MAF: variants seen among roughly 807,000 people sequenced by gnomAD.
MAF encodes the protein MAF bZIP transcription factor.
A neutral mutation model predicts 22.0 loss-of-function variants in MAF; 10 were observed. That is an observed-to-expected ratio of 0.45 (90% confidence interval 0.28 to 0.77). The LOEUF (loss-of-function observed/expected upper bound fraction) is 0.77. MAF is among the 30% of genes least tolerant of loss of function. MAF has a pLI of 0.12. For synonymous variants in MAF, 337 were observed against 255.8 expected (o/e 1.32, Z -3.03); for missense variants, 544 against 548.4 (o/e 0.99, Z 0.08).
downstream of MAF, among the ~76,000 whole-genome samples, chr16:79,584,344 T>C (rs934619765): frequency 4.6e-5 from 7 of 152,214 alleles, no homozygotes; most frequent in African/African-American, 1.7e-4. Flanking sequence ...ATTGAACTTT[T>C]CATATATCAG....
At chr16:79,394,339 A>G in the MAF span, among the ~76,000 whole-genome samples, 1 of 152,182 alleles carries the variant, frequency 6.6e-6, no homozygotes, top group Admixed American at 6.5e-5. Context: ...TCTTCCTTTC[A>G]GACCCTGTTT....
the MAF span, among the ~76,000 whole-genome samples, chr16:79,530,435 C>T: frequency 5.6e-4 from 86 of 152,252 alleles, no homozygotes; most frequent in African/African-American, 1.9e-3. Context: ...AGCAGTTTTA[C>T]TCCATTTTTT....
At chr16:79,334,800 T>C in the MAF span, among the ~76,000 whole-genome samples, 1 of 151,638 alleles carries the variant, frequency 6.6e-6, no homozygotes, top group South Asian at 2.1e-4. Context: ...AGTAGTGAGT[T>C]TCCATGCAGG....
At chr16:79,358,674 A>C in the MAF span, among the ~76,000 whole-genome samples, 1 of 152,242 alleles carries the variant, frequency 6.6e-6, no homozygotes, top group South Asian at 2.1e-4. Context: ...GATACCTGAC[A>C]TGCAGGAAGG....
chr16:79,504,641 A>G, the MAF span, among the ~76,000 whole-genome samples: 1 of 152,072 alleles, frequency 6.6e-6, no homozygotes, highest in Admixed American at 6.5e-5. Flanking sequence ...GAATGGATGG[A>G]TAAATAAATG....
chr16:79,362,592 AG>A, the MAF span, among the ~76,000 whole-genome samples: 1 of 152,256 alleles, frequency 6.6e-6, no homozygotes, highest in Admixed American at 6.5e-5. Flanking sequence ...AGGCACGAAG[AG>A]CAGGTTGCTG....
At chr16:79,347,142 T>C in the MAF span, among the ~76,000 whole-genome samples, 1 of 152,244 alleles carries the variant, frequency 6.6e-6, no homozygotes, top group Admixed American at 6.5e-5. Context: ...CCAGGCTATT[T>C]CATTTGCTAA....
chr16:79,243,194 T>A, the MAF span, among the ~76,000 whole-genome samples: 2 of 151,450 alleles, frequency 1.3e-5, no homozygotes, highest in African/African-American at 4.8e-5. Flanking sequence ...AAGAAATAAC[T>A]AAGATGGGAG....
the MAF span, among the ~76,000 whole-genome samples, chr16:79,517,052 G>A: frequency 2.0e-5 from 3 of 152,112 alleles, no homozygotes; most frequent in Admixed American, 2.0e-4. Flanking sequence ...CAGGACCATA[G>A]CACACTGCTC....
the MAF span, among the ~76,000 whole-genome samples, chr16:79,309,243 C>A: frequency 2.0e-5 from 3 of 152,114 alleles, no homozygotes; most frequent in African/African-American, 7.2e-5. Flanking sequence ...GGAGACTGGC[C>A]TCATTTGGCT....
chr16:79,322,360 T>G, the MAF span, among the ~76,000 whole-genome samples: 1 of 152,034 alleles, frequency 6.6e-6, no homozygotes, highest in African/African-American at 2.4e-5. Flanking sequence ...GGAGACAAAG[T>G]GTTAAGTGAC....
At chr16:79,582,592 C>G (rs1005062783), downstream of MAF, among the ~76,000 whole-genome samples, 2 of 152,060 alleles carry the variant, frequency 1.3e-5, no homozygotes, top group Non-Finnish European at 2.9e-5. Context: ...AAACGTTAGC[C>G]AGGCTGTATG....
At chr16:79,339,037 CT>C in the MAF span, among the ~76,000 whole-genome samples, 1 of 151,818 alleles carries the variant, frequency 6.6e-6, no homozygotes, top group Non-Finnish European at 1.5e-5. Flanking sequence ...TGGGTCAAGG[CT>C]TTTTAATTTT....
chr16:79,594,725 T>C (rs527425183), intron 1 of MAF, 172 bp from the exon 2 acceptor site: 2 of 1,400,438 alleles, frequency 1.4e-6, no homozygotes, highest in Non-Finnish European at 1.9e-6. Context: ...AAAAAAAACA[T>C]GTATTTGTTT....
chr16:79,498,047 C>G, the MAF span, among the ~76,000 whole-genome samples: 1 of 152,216 alleles, frequency 6.6e-6, no homozygotes, highest in South Asian at 2.1e-4. Flanking sequence ...TCCATTCCCT[C>G]CTGCCCTTGC....
At chr16:79,332,473 G>A in the MAF span, among the ~76,000 whole-genome samples, 1 of 152,180 alleles carries the variant, frequency 6.6e-6, no homozygotes, top group South Asian at 2.1e-4. Flanking sequence ...GCTAATTTTT[G>A]CATTTTTGTA....
the MAF span, among the ~76,000 whole-genome samples, chr16:79,556,002 G>A: frequency 7.0e-6 from 1 of 142,752 alleles, no homozygotes; most frequent in African/African-American, 2.5e-5. Context: ...GTGATGTTTA[G>A]TTTGTTTTGT....
At chr16:79,233,817 C>T in the MAF span, among the ~76,000 whole-genome samples, 1 of 151,812 alleles carries the variant, frequency 6.6e-6, no homozygotes, top group African/African-American at 2.4e-5. Flanking sequence ...CATGGTGAAA[C>T]CCTGTTTCTA....
chr16:79,541,653 G>C, the MAF span, among the ~76,000 whole-genome samples: 2 of 147,184 alleles, frequency 1.4e-5, no homozygotes, highest in African/African-American at 2.5e-5. Flanking sequence ...AGCTACTAGG[G>C]TTTTTTTAGT....
Sources: gnomAD v4.1 joint callset for allele counts (sites outside exome capture counted in the v4.1 genomes callset) on GRCh38, gnomAD v4.1.1 for gene constraint, MANE v1.5 for transcripts, NCBI Gene and HGNC (gene_info 2026-07-23, HGNC 2026-07-21) for gene names.